Variants in POLR3K observed in about 807,000 individuals in gnomAD.
The protein encoded by POLR3K is RNA polymerase III subunit K.
In POLR3K, 11 loss-of-function variants were observed where a neutral mutation model predicts 13.5. The ratio of observed to expected loss-of-function variants is 0.81; its 90% CI spans 0.51 to 1.35. POLR3K has a LOEUF of 1.35. POLR3K is among the 40% of genes most tolerant of loss of function. The pLI is 0.00. For missense variants in POLR3K, 144 were observed against 145.3 expected (o/e 0.99, Z 0.05); for synonymous variants, 56 against 51.5 (o/e 1.09, Z -0.38).
At position 51,661 on chromosome 16, in the gene POLR3K, C is replaced by G; in HGVS notation, c.112-16G>C. ...GATTTGTTACCTAACAAAAACAACACTTCAGACTCCAAGTAACTGAATAGC... is the reference window on the plus strand; with the variant it reads ...GATTTGTTACCTAACAAAAACAACAGTTCAGACTCCAAGTAACTGAATAGC... On this transcript the variant is annotated splice_polypyrimidine_tract_variant and intron_variant, in intron 1 of 2. Coordinates refer to ENST00000293860, the MANE Select transcript of POLR3K (RefSeq NM_016310.5). 1 of 1,601,740 alleles carries G rather than the reference C, an allele frequency of 6.2e-7. No individual in the cohort carries two copies. Among genetic ancestry groups the G allele is most frequent in the Non-Finnish European group, 8.6e-7 (1 of 1,168,832 alleles).
At chr16:52,765 C>CAAAAAAAAAAAAAAAAAA (rs946489081) in intron 1 of POLR3K, among the ~76,000 whole-genome samples, 7 of 33,576 alleles carry the variant, frequency 2.1e-4, no homozygotes, top group Non-Finnish European at 3.1e-4. Context: ...GACTCCGTCT[C>CAAAAAAAAAAAAAAAAAA]AAAAAAAAAA....
chr16:52,765 C>CAAAAAAA lies in POLR3K; in HGVS notation c.111+704_111+710dup, dbSNP rs946489081. On this transcript the variant is annotated intron_variant, in intron 1 of 2. Coordinates refer to ENST00000293860, the MANE Select transcript of POLR3K (RefSeq NM_016310.5). The stretch of plus-strand genomic sequence containing the variant: ...TGGGCGACAGAGCGGGACTCCGTCT[C>CAAAAAAA]AAAAAAAAAAAAAAAAAAAAAAAAA... Among the ~76,000 whole-genome samples, 128 of 33,478 alleles carry CAAAAAAA rather than the reference C, an allele frequency of 3.8e-3. 17 individuals are homozygous for CAAAAAAA. Among genetic ancestry groups the CAAAAAAA allele is most frequent in the African/African-American group, 4.7e-3 (48 of 10,288 alleles). The allele number at this position is 33,478 out of a possible 152,430, so 22.0% of individuals were successfully genotyped here. A position where few individuals can be genotyped will look rare whatever the true frequency, so the allele number is the denominator to read the frequency against.
intron 2 of POLR3K, among the ~76,000 whole-genome samples, chr16:50,931 G>C (rs997742145): frequency 6.6e-6 from 1 of 152,222 alleles, no homozygotes; most frequent in Non-Finnish European, 1.5e-5. Context: ...GAGACAGAAT[G>C]AGTGCGAGCA....
At chr16:50,804 G>A (rs76640721) in intron 2 of POLR3K, among the ~76,000 whole-genome samples, 15 of 152,336 alleles carry the variant, frequency 9.8e-5, no homozygotes, top group African/African-American at 2.6e-4. Flanking sequence ...ATTTACAGGC[G>A]TGAGCCACGA....
In POLR3K at chr16:53,597, TC is replaced by T; in HGVS notation, c.-12del. 7.5e-6 allele frequency: 12 copies of T among 1,602,386 alleles called. No individual in the cohort carries two copies. Among genetic ancestry groups the T allele is most frequent in the Non-Finnish European group, 1.0e-5 (12 of 1,174,748 alleles). ...GCAGAACAGCAGCATGGTCTCGAAC[TC>T]CGCAGGCTCCAACTCCCGGCAGCTC... On this transcript the variant is annotated 5_prime_UTR_variant, in exon 1 of 3. Coordinates refer to ENST00000293860, the MANE Select transcript of POLR3K (RefSeq NM_016310.5).
intron 2 of POLR3K, among the ~76,000 whole-genome samples, chr16:51,012 G>A (rs76580636): frequency 6.6e-6 from 1 of 152,258 alleles, no homozygotes; most frequent in East Asian, 1.9e-4. Flanking sequence ...GAACAGCATG[G>A]GGGGAAACCG....
intron 2 of POLR3K, among the ~76,000 whole-genome samples, chr16:49,076 C>T (rs183897362): frequency 9.3e-4 from 140 of 151,152 alleles, no homozygotes; most frequent in Middle Eastern, 3.5e-3. Flanking sequence ...CGCTTGAACC[C>T]GGGCAGCATA....
intron 1 of POLR3K, chr16:53,135 G>T (rs906076690): frequency 2.2e-5 from 6 of 271,832 alleles, no homozygotes; most frequent in Non-Finnish European, 3.4e-5. Flanking sequence ...TAGGCCCTGG[G>T]AGAACTCCGG....
At chr16:50,252 C>T (rs1897320273) in intron 2 of POLR3K, among the ~76,000 whole-genome samples, 1 of 152,184 alleles carries the variant, frequency 6.6e-6, no homozygotes, top group Non-Finnish European at 1.5e-5. Flanking sequence ...AGCCACCACA[C>T]CCAGCCTATA....
chr16:52,615 A>T (rs538793337), intron 1 of POLR3K, among the ~76,000 whole-genome samples: 1 of 150,954 alleles, frequency 6.6e-6, no homozygotes, highest in East Asian at 2.0e-4. Context: ...AATACAAAAA[A>T]ATCAGCCAGG....
In POLR3K at chr16:46,813, T is replaced by G. The variant is rs1395723197; in HGVS notation, c.*617A>C. The G allele has an allele frequency of 3.3e-5, 5 of 152,066 alleles. No homozygotes were observed. The highest frequency in any genetic ancestry group is 1.2e-4 in the African/African-American group (5 of 41,506). The allele number at this position is 152,066 out of a possible 1,614,324, so 9.4% of individuals were successfully genotyped here. A position where few individuals can be genotyped will look rare whatever the true frequency, so the allele number is the denominator to read the frequency against. ...CCCGAGGAAGCAAATCAGGGGAGGTTCAAAAAAATGAATAAGGGAGTAAGA... is the reference window on the plus strand; with the variant it reads ...CCCGAGGAAGCAAATCAGGGGAGGTGCAAAAAAATGAATAAGGGAGTAAGA... On this transcript the variant is annotated 3_prime_UTR_variant, in exon 3 of 3. Coordinates refer to ENST00000293860, the MANE Select transcript of POLR3K (RefSeq NM_016310.5).
intron 1 of POLR3K, among the ~76,000 whole-genome samples, chr16:52,328 TTCCAGCTACTCGGGAA>T (rs1448883948): frequency 6.6e-6 from 1 of 151,460 alleles, no homozygotes; most frequent in African/African-American, 2.4e-5. Context: ...GCGCCTGTAA[TTCCAGCTACTCGGGAA>T]GCCGAGGCAG....
chr16:50,409 C>A (rs1897321710), intron 2 of POLR3K, among the ~76,000 whole-genome samples: 1 of 152,214 alleles, frequency 6.6e-6, no homozygotes, highest in Admixed American at 6.5e-5. Context: ...TTTACCCAAT[C>A]TGCAGTTTAA....
chr16:53,257 G>C, intron 1 of POLR3K: 1 of 903,428 alleles, frequency 1.1e-6, no homozygotes. Flanking sequence ...CGCAGAGAAG[G>C]GCGCGAGCGT....
intron 1 of POLR3K, 80 bp from the exon 2 acceptor site, chr16:51,725 A>G (rs544418105): frequency 9.9e-6 from 12 of 1,207,590 alleles, no homozygotes; most frequent in South Asian, 2.5e-5. Flanking sequence ...TCAGGATTAC[A>G]TAAGAGTTCA....
intron 1 of POLR3K, chr16:51,889 G>A (rs1301600913): frequency 1.1e-5 from 4 of 358,194 alleles, no homozygotes; most frequent in East Asian, 6.8e-5. Context: ...GCGTGTTGGC[G>A]GGCGCCTGTA....
intron 2 of POLR3K, among the ~76,000 whole-genome samples, chr16:48,890 T>C (rs1457077878): frequency 1.4e-5 from 2 of 146,148 alleles, no homozygotes; most frequent in East Asian, 4.1e-4. Flanking sequence ...ATGGTGGCTC[T>C]TGCCTGTAAT....
At chr16:50,667 C>T (rs528588111) in intron 2 of POLR3K, among the ~76,000 whole-genome samples, 1 of 152,034 alleles carries the variant, frequency 6.6e-6, no homozygotes, top group South Asian at 2.1e-4. Context: ...GGTCTACAGG[C>T]GAGCGCCACC....
chr16:49,387 G>A (rs1486504335), intron 2 of POLR3K, among the ~76,000 whole-genome samples: 4 of 151,532 alleles, frequency 2.6e-5, no homozygotes, highest in East Asian at 2.0e-4. Flanking sequence ...GCAGTGAGCC[G>A]AGATCACACC....
Sources: gnomAD v4.1 joint callset for allele counts (sites outside exome capture counted in the v4.1 genomes callset) on GRCh38, gnomAD v4.1.1 for gene constraint, MANE v1.5 for transcripts, NCBI Gene and HGNC (gene_info 2026-07-23, HGNC 2026-07-21) for gene names.